ESRRB: variants seen among roughly 807,000 people sequenced by gnomAD.
ESRRB encodes estrogen related receptor beta.
ESRRB carries 16 observed loss-of-function variants against 46.0 expected under a neutral mutation model. That is an observed-to-expected ratio of 0.35 (90% CI 0.24 to 0.53). The LOEUF (loss-of-function observed/expected upper bound fraction) is 0.53, where lower values mean the gene tolerates loss of function less well. Among genes scored for constraint, ESRRB ranks in the 20% least tolerant of loss-of-function variants. The pLI, the probability that ESRRB is intolerant of heterozygous loss-of-function variation, is 0.93. For missense variants in ESRRB, 488 were observed against 607.4 expected, an observed-to-expected ratio of 0.80 and a Z score of 2.07; for synonymous variants, 246 against 259.6, an observed-to-expected ratio of 0.95 and a Z score of 0.50.
intron 1 of ESRRB, among the ~76,000 whole-genome samples, chr14:76,429,488 T>C (rs1361621372): frequency 1.3e-5 from 2 of 152,140 alleles, no homozygotes; most frequent in Non-Finnish European, 2.9e-5. Flanking sequence ...CAGTGGCTCA[T>C]GCCTGTAATC....
intron 5 of ESRRB, among the ~76,000 whole-genome samples, chr14:76,487,635 G>A (rs1008136355): frequency 6.6e-6 from 1 of 150,414 alleles, no homozygotes; most frequent in African/African-American, 2.5e-5. Context: ...CCAGGATCTC[G>A]CTTTGTCACC....
intron 2 of ESRRB, among the ~76,000 whole-genome samples, chr14:76,458,424 TGACA>T (rs1190113976): frequency 3.3e-5 from 4 of 123,052 alleles, no homozygotes; most frequent in East Asian, 2.4e-4. Context: ...TCTCTCTCTC[TGACA>T]CACACACACA....
chr14:76,330,231 C>T (rs1283815561), intron 1 of ESRRB, among the ~76,000 whole-genome samples: 3 of 152,086 alleles, frequency 2.0e-5, no homozygotes, highest in African/African-American at 4.8e-5. Context: ...GGCTGGCTCC[C>T]GAATAAATCT....
At chr14:76,465,724 G>C (rs1889078734) in intron 3 of ESRRB, among the ~76,000 whole-genome samples, 1 of 152,248 alleles carries the variant, frequency 6.6e-6, no homozygotes. Flanking sequence ...GCTCGAAAAG[G>C]CCCTTTAAGG....
chr14:76,358,388 AAAGAAAGAAAGAAAGAAAG>A lies in ESRRB; in HGVS notation c.2+47475_2+47493del, dbSNP rs1190792440. The stretch of plus-strand genomic sequence containing the variant: ...GAAAGAAAGAAAGAAAGAAAGAAAG[AAAGAAAGAAAGAAAGAAAG>A]AAAGAAAAGAAAAGAAAAAGAAAAA... On this transcript the variant is annotated intron_variant, in intron 1 of 6. Transcript: ENST00000512784. Among the ~76,000 whole-genome samples, 37 of 101,608 alleles carry A rather than the reference AAAGAAAGAAAGAAAGAAAG, an allele frequency of 3.6e-4. 1 individual carries two copies. The highest frequency in any genetic ancestry group is 2.1e-3 in the South Asian group (7 of 3,328). The allele number at this position is 101,608 out of a possible 152,430, so 66.7% of individuals were successfully genotyped here. A position where few individuals can be genotyped will look rare whatever the true frequency, so the allele number is the denominator to read the frequency against.
chr14:76,325,867 G>A (rs890592822), intron 1 of ESRRB, among the ~76,000 whole-genome samples: 53 of 152,210 alleles, frequency 3.5e-4, no homozygotes, highest in African/African-American at 1.2e-3. Context: ...AAGGGCTTGA[G>A]TGTCTCCCTG....
chr14:76,389,656 A>C (rs1161416404), intron 1 of ESRRB, among the ~76,000 whole-genome samples: 1 of 152,194 alleles, frequency 6.6e-6, no homozygotes, highest in African/African-American at 2.4e-5. Flanking sequence ...GACTAACTGA[A>C]TTGAAATCCT....
chr14:76,445,971 C>A (rs1888128244), intron 2 of ESRRB, among the ~76,000 whole-genome samples: 3 of 152,216 alleles, frequency 2.0e-5, no homozygotes, highest in Non-Finnish European at 4.4e-5. Flanking sequence ...CAGGCGTGAG[C>A]CACTGCGTCC....
chr14:76,470,786 CAA>C (rs1889348428), intron 3 of ESRRB, among the ~76,000 whole-genome samples: 1 of 152,108 alleles, frequency 6.6e-6, no homozygotes, highest in African/African-American at 2.4e-5. Flanking sequence ...CTATTGGGCT[CAA>C]GAGATCCTCC....
At chr14:76,362,824 G>A (rs115568739) in intron 1 of ESRRB, among the ~76,000 whole-genome samples, 1,968 of 152,218 alleles carry the variant, frequency 0.013, 39 homozygotes, top group African/African-American at 0.045. Flanking sequence ...CGCTTGCCTA[G>A]GTTTTTTGTT....
At chr14:76,323,497 A>G (rs564606767) in intron 1 of ESRRB, among the ~76,000 whole-genome samples, 30 of 151,662 alleles carry the variant, frequency 2.0e-4, no homozygotes, top group Admixed American at 2.0e-4. Context: ...TTTTGGAGAG[A>G]CAGGTCATCA....
chr14:76,424,419 G>A (rs1488738805), intron 1 of ESRRB, among the ~76,000 whole-genome samples: 2 of 152,190 alleles, frequency 1.3e-5, no homozygotes, highest in Non-Finnish European at 2.9e-5. Flanking sequence ...CTTGGACCCT[G>A]ATCCTGTCCT....
intron 1 of ESRRB, among the ~76,000 whole-genome samples, chr14:76,420,079 T>C (rs1264250353): frequency 2.0e-5 from 3 of 152,194 alleles, no homozygotes; most frequent in Non-Finnish European, 4.4e-5. Context: ...CATTTTGTAA[T>C]GTAGACTTTT....
chr14:76,500,725 C>T lies in ESRRB; in HGVS notation c.*2267C>T. ...GCATCTCTGGCTCACCATGTAACAT[C>T]TGGCTTGGAGCAAGTGGGTGTTCTG... On this transcript the variant is annotated 3_prime_UTR_variant, in exon 7 of 7. Coordinates refer to ENST00000644823, the MANE Select transcript of ESRRB (RefSeq NM_001379180.1). The T allele has an allele frequency of 6.2e-7, 1 of 1,613,986 alleles. No individual in the cohort carries two copies. The highest frequency in any genetic ancestry group is 8.5e-7 in the Non-Finnish European group (1 of 1,179,868).
At chr14:76,400,911 C>T (rs531173351) in intron 1 of ESRRB, among the ~76,000 whole-genome samples, 4 of 152,292 alleles carry the variant, frequency 2.6e-5, no homozygotes, top group East Asian at 1.9e-4. Context: ...AAGATTTCTT[C>T]GCTGGTTTAA....
intron 1 of ESRRB, among the ~76,000 whole-genome samples, chr14:76,361,381 G>A (rs964900135): frequency 1.3e-5 from 2 of 152,194 alleles, no homozygotes; most frequent in African/African-American, 4.8e-5. Context: ...GCTCAATTGT[G>A]AGAGATTAAA....
intron 1 of ESRRB, among the ~76,000 whole-genome samples, chr14:76,338,283 G>A (rs904116203): frequency 5.9e-5 from 9 of 152,158 alleles, no homozygotes; most frequent in African/African-American, 1.9e-4. Context: ...CTCCAGCCCG[G>A]GTGGGCATGG....
chr14:76,420,706 T>G (rs889691689), intron 1 of ESRRB, among the ~76,000 whole-genome samples: 8 of 152,026 alleles, frequency 5.3e-5, no homozygotes, highest in Admixed American at 3.9e-4. Context: ...TTACCTTCAA[T>G]TCAACCAAAA....
At chr14:76,458,252 G>A (rs187870986) in intron 2 of ESRRB, among the ~76,000 whole-genome samples, 79 of 152,114 alleles carry the variant, frequency 5.2e-4, no homozygotes, top group Non-Finnish European at 9.9e-4. Context: ...TCCTAGGCCC[G>A]CCTCAAGAGA....
Sources: gnomAD v4.1 joint callset for allele counts (sites outside exome capture counted in the v4.1 genomes callset) on GRCh38, gnomAD v4.1.1 for gene constraint, MANE v1.5 for transcripts, NCBI Gene and HGNC (gene_info 2026-07-23, HGNC 2026-07-21) for gene names.